SLC9C2: variants seen among roughly 807,000 people sequenced by gnomAD.
The protein encoded by SLC9C2 is solute carrier family 9 member C2 (putative), also known as sodium/hydrogen exchanger 11.
In SLC9C2, 75 loss-of-function variants were observed where a neutral mutation model predicts 140.2. That is an observed-to-expected ratio of 0.53 (90% confidence interval 0.44 to 0.65). The LOEUF is 0.65. Among genes scored for constraint, SLC9C2 ranks in the 30% least tolerant of loss-of-function variants. The pLI is 0.00. For synonymous variants in SLC9C2, 375 were observed against 420.9 expected (o/e 0.89, Z 1.34); for missense variants, 1,074 against 1,331.8 (o/e 0.81, Z 3.01).
At chr1:173,561,214 T>C (rs1203505255) in intron 9 of SLC9C2, among the ~76,000 whole-genome samples, 5 of 152,192 alleles carry the variant, frequency 3.3e-5, no homozygotes, top group African/African-American at 1.2e-4. Flanking sequence ...AGATGCTGTG[T>C]TTTATGCATC....
chr1:173,560,780 C>G (rs1159321413), intron 9 of SLC9C2, among the ~76,000 whole-genome samples: 1 of 151,964 alleles, frequency 6.6e-6, no homozygotes, highest in Non-Finnish European at 1.5e-5. Flanking sequence ...TTCCTTCTCT[C>G]TTTCTTTTTA....
intron 15 of SLC9C2, among the ~76,000 whole-genome samples, chr1:173,534,891 G>C (rs1433718119): frequency 6.6e-6 from 1 of 151,644 alleles, no homozygotes; most frequent in Non-Finnish European, 1.5e-5. Context: ...TCCATATCAG[G>C]GATGAGAAGC....
intron 24 of SLC9C2, 124 bp downstream of exon 24, chr1:173,509,444 C>CA (rs35439430): frequency 0.25 from 186,616 of 732,710 alleles, 4,887 homozygotes; most frequent in East Asian, 0.48. Flanking sequence ...GCCTCTGTCT[C>CA]AAAAAAAAAA....
At chr1:173,509,040 T>A (rs1042562675) in intron 24 of SLC9C2, among the ~76,000 whole-genome samples, 41 of 152,106 alleles carry the variant, frequency 2.7e-4, no homozygotes, top group African/African-American at 9.4e-4. Context: ...TTTTTTTTTT[T>A]AGAAATGATT....
chr1:173,597,213 G>A (rs1666499942), intron 4 of SLC9C2, among the ~76,000 whole-genome samples: 1 of 151,872 alleles, frequency 6.6e-6, no homozygotes, highest in Non-Finnish European at 1.5e-5. Flanking sequence ...AGTGTGATAA[G>A]AGAAATAATA....
intron 17 of SLC9C2, among the ~76,000 whole-genome samples, chr1:173,533,121 G>A (rs911670530): frequency 2.6e-5 from 4 of 152,070 alleles, no homozygotes; most frequent in Admixed American, 2.6e-4. Context: ...TGAAGGTGAC[G>A]AGAAAGGGAA....
intron 11 of SLC9C2, among the ~76,000 whole-genome samples, chr1:173,552,556 T>G (rs548941966): frequency 6.6e-6 from 1 of 152,266 alleles, no homozygotes; most frequent in South Asian, 2.1e-4. Flanking sequence ...ATCCTAAGAC[T>G]CTTAAGAATT....
rs776512642 is a variant in SLC9C2, at chr1:173,505,240, C to G, written c.3310+7G>C. On this transcript the variant is annotated splice_region_variant and intron_variant, in intron 26 of 27. Transcript: ENST00000367714. ...AGTTTTCCTACCACTAAAGGTCTACCCCTTACCCATGACATTGGTGTTACT... is the reference window on the plus strand; with the variant it reads ...AGTTTTCCTACCACTAAAGGTCTACGCCTTACCCATGACATTGGTGTTACT... 5.6e-6 allele frequency: 9 copies of G among 1,609,436 alleles called. No homozygotes were observed. Among genetic ancestry groups the G allele is most frequent in the African/African-American group, 1.3e-5 (1 of 74,978 alleles).
intron 13 of SLC9C2, among the ~76,000 whole-genome samples, chr1:173,545,625 G>A (rs1013962595): frequency 6.6e-6 from 1 of 152,084 alleles, no homozygotes; most frequent in Non-Finnish European, 1.5e-5. Context: ...GGAGCCTCTC[G>A]CCTGGATTGC....
At chr1:173,565,942 T>C (rs752867193) in intron 9 of SLC9C2, among the ~76,000 whole-genome samples, 1 of 151,838 alleles carries the variant, frequency 6.6e-6, no homozygotes, top group Non-Finnish European at 1.5e-5. Context: ...GATTACATGG[T>C]TTTTGTCCTT....
At chr1:173,521,947 C>A (rs1462551060) in intron 21 of SLC9C2, among the ~76,000 whole-genome samples, 1 of 149,812 alleles carries the variant, frequency 6.7e-6, no homozygotes, top group African/African-American at 2.5e-5. Flanking sequence ...CGCCTGTAAT[C>A]CCAGCACTGG....
chr1:173,543,009 G>A (rs190096190), intron 13 of SLC9C2, among the ~76,000 whole-genome samples: 11 of 152,198 alleles, frequency 7.2e-5, no homozygotes, highest in Non-Finnish European at 1.6e-4. Flanking sequence ...TTCTGGCCAG[G>A]GCAATCAGGC....
intron 8 of SLC9C2, among the ~76,000 whole-genome samples, chr1:173,575,169 T>C (rs1366601985): frequency 3.3e-5 from 5 of 152,104 alleles, no homozygotes; most frequent in South Asian, 2.1e-4. Context: ...AAATGCATTA[T>C]GTATACAGTA....
intron 23 of SLC9C2, among the ~76,000 whole-genome samples, chr1:173,510,784 G>A (rs1486313789): frequency 6.6e-6 from 1 of 152,050 alleles, no homozygotes; most frequent in South Asian, 2.1e-4. Flanking sequence ...TGAATAGTGT[G>A]GCAATAAACA....
chr1:173,518,318 A>G (rs970234045), intron 22 of SLC9C2, among the ~76,000 whole-genome samples: 21 of 152,098 alleles, frequency 1.4e-4, no homozygotes, highest in Non-Finnish European at 2.5e-4. Context: ...AACTAATGCA[A>G]TCACTCATTG....
In SLC9C2 at chr1:173,557,859, T is replaced by C. The variant is rs112246194; in HGVS notation, c.1047-351A>G. ...TACTCCCTGAAAAGCCATACATGAC[T>C]GGATTCAAAAATTATAATGGGGGCA... is the stretch of plus-strand genomic sequence containing the variant. On this transcript the variant is annotated intron_variant, in intron 9 of 27. Coordinates refer to ENST00000367714, the MANE Select transcript of SLC9C2 (RefSeq NM_178527.4). Among the ~76,000 whole-genome samples the C allele has an allele frequency of 3.2e-3, 480 of 152,306 alleles. 1 individual carries two copies. The highest frequency in any genetic ancestry group is 6.8e-3 in the Middle Eastern group (2 of 294).
chr1:173,532,181 A>G (rs954980537), intron 17 of SLC9C2, among the ~76,000 whole-genome samples: 3 of 152,210 alleles, frequency 2.0e-5, no homozygotes, highest in African/African-American at 7.2e-5. Context: ...TAACTATTAA[A>G]TGTTGTGGAG....
intron 4 of SLC9C2, among the ~76,000 whole-genome samples, chr1:173,595,920 T>C (rs1250005048): frequency 6.6e-6 from 1 of 152,202 alleles, no homozygotes; most frequent in African/African-American, 2.4e-5. Flanking sequence ...TTCCTCATGC[T>C]ATATCTTTGT....
At chr1:173,596,763 G>A (rs996294010) in intron 4 of SLC9C2, 1 of 151,740 alleles carries the variant, frequency 6.6e-6, no homozygotes, top group African/African-American at 2.4e-5. Context: ...AATTATAGCA[G>A]GCAAATACCA....
Sources: gnomAD v4.1 joint callset for allele counts (sites outside exome capture counted in the v4.1 genomes callset) on GRCh38, gnomAD v4.1.1 for gene constraint, MANE v1.5 for transcripts, NCBI Gene and HGNC (gene_info 2026-07-23, HGNC 2026-07-21) for gene names.